The following VPS35L variants were observed in gnomAD, a reference collection of about 807,000 sequenced individuals.
VPS35L encodes VPS35 endosomal protein sorting factor like.
In VPS35L, 83 loss-of-function variants were observed where a neutral mutation model predicts 133.0. The observed-to-expected ratio is 0.62, with a 90% CI of 0.52 to 0.75. The LOEUF (loss-of-function observed/expected upper bound fraction) is 0.75, where lower values mean the gene tolerates loss of function less well. Among genes scored for constraint, VPS35L ranks in the 30% least tolerant of loss-of-function variants. VPS35L has a pLI of 0.00. For synonymous variants in VPS35L, 423 were observed against 449.9 expected (o/e 0.94, Z 0.76); for missense variants, 1,083 against 1,206.8 (o/e 0.90, Z 1.52).
intron 28 of VPS35L, among the ~76,000 whole-genome samples, chr16:19,690,840 A>T (rs1019632473): frequency 6.6e-6 from 1 of 152,124 alleles, no homozygotes; most frequent in Non-Finnish European, 1.5e-5. Context: ...GCAGGTGCCT[A>T]TAATTCCAGC....
intron 25 of VPS35L, among the ~76,000 whole-genome samples, chr16:19,651,369 AT>A (rs1974117165): frequency 6.6e-6 from 1 of 150,778 alleles, no homozygotes; most frequent in East Asian, 2.0e-4. Flanking sequence ...TATCCGGGTA[AT>A]TTTTTTGTTT....
chr16:19,639,238 G>C lies in VPS35L; in HGVS notation c.1699-777G>C, dbSNP rs1973712212. On this transcript the variant is annotated intron_variant, in intron 20 of 30. Coordinates refer to ENST00000417362, the MANE Select transcript of VPS35L (RefSeq NM_020314.7). The surrounding 1 kb of genome is among the most constrained non-coding windows in gnomAD (Gnocchi z 4.1). The stretch of plus-strand genomic sequence containing the variant: ...ACTACCATATTCCCACTTTACAGAT[G>C]AGAAAACTGATGCAGGAAGAGGTAG... Among the ~76,000 whole-genome samples, 1 of 152,198 alleles carries C rather than the reference G, an allele frequency of 6.6e-6. No homozygotes were observed. Among genetic ancestry groups the C allele is most frequent in the Non-Finnish European group, 1.5e-5 (1 of 68,028 alleles).
intron 11 of VPS35L, among the ~76,000 whole-genome samples, chr16:19,610,118 C>T (rs939433326): frequency 6.6e-5 from 10 of 152,156 alleles, no homozygotes; most frequent in African/African-American, 2.2e-4. Context: ...TGAAAGAAAT[C>T]ATTCAATGAA....
chr16:19,575,862 AT>A (rs1180787877), intron 5 of VPS35L, among the ~76,000 whole-genome samples: 413 of 144,818 alleles, frequency 2.9e-3, no homozygotes, highest in Non-Finnish European at 4.9e-3. Flanking sequence ...TATTAAAAAA[AT>A]ATATATATAT....
chr16:19,699,474 A>G lies in VPS35L; in HGVS notation c.2647-28A>G. 1 of 1,613,370 alleles carries G rather than the reference A, an allele frequency of 6.2e-7. No individual in the cohort carries two copies. Among genetic ancestry groups the G allele is most frequent in the Non-Finnish European group, 8.5e-7 (1 of 1,179,524 alleles). ...GGGGCACGGCCTGAGCCCCAGTGCA[A>G]GGCAGTAACCTCCCTTTTCTGTTTC... On this transcript the variant is annotated intron_variant, in intron 29 of 30. Transcript: ENST00000417362. This position sits in a 1 kb window ranked among gnomAD's most constrained non-coding sequence, Gnocchi z 4.2.
At position 19,628,694 on chromosome 16, in the gene VPS35L, G is replaced by T; in HGVS notation, c.1441G>T (p.Asp481Tyr). 6.2e-7 allele frequency: 1 copy of T among 1,601,484 alleles called. No individual in the cohort carries two copies. Among genetic ancestry groups the T allele is most frequent in the Non-Finnish European group, 8.5e-7 (1 of 1,172,396 alleles). Reference sequence around the variant, plus strand: ...GGCCTTGGCTGATCCTCCTGAGAGTGACCGACTTCAGATTCTCAACGAAGC... The same window carrying T: ...GGCCTTGGCTGATCCTCCTGAGAGTTACCGACTTCAGATTCTCAACGAAGC... ...NLALADPPES[D>Y]RLQILNEAWK... The change falls in exon 17 of 31, where the codon GAC becomes TAC. Residue 481 changes from aspartate to tyrosine, a missense_variant. Transcript: ENST00000417362.
intron 8 of VPS35L, among the ~76,000 whole-genome samples, chr16:19,600,482 C>T (rs1972347978): frequency 6.6e-6 from 1 of 152,178 alleles, no homozygotes; most frequent in Admixed American, 6.5e-5. Context: ...AATTTGTTTG[C>T]ACATTGTGGC....
At chr16:19,647,173 G>A (rs1474739314) in intron 23 of VPS35L, among the ~76,000 whole-genome samples, 1 of 152,102 alleles carries the variant, frequency 6.6e-6, no homozygotes, top group East Asian at 1.9e-4. Context: ...CTTTGCCCTT[G>A]CTTTTTGTAC....
At chr16:19,661,242 A>G (rs748293703) in intron 26 of VPS35L, among the ~76,000 whole-genome samples, 5 of 151,690 alleles carry the variant, frequency 3.3e-5, no homozygotes, top group Admixed American at 6.6e-5. Context: ...TGGAAGTGCT[A>G]CAAATTATTT....
At chr16:19,642,154 G>A (rs897455449) in intron 21 of VPS35L, among the ~76,000 whole-genome samples, 5 of 152,182 alleles carry the variant, frequency 3.3e-5, no homozygotes, top group African/African-American at 1.2e-4. Flanking sequence ...GGGCTGCAGT[G>A]AGCTGAGGTC....
At chr16:19,613,210 C>T (rs1019314660) in intron 12 of VPS35L, among the ~76,000 whole-genome samples, 4 of 152,040 alleles carry the variant, frequency 2.6e-5, no homozygotes, top group African/African-American at 4.8e-5. Context: ...GGCTGAGGCA[C>T]GAGAATCACT....
chr16:19,662,186 G>C (rs917129773), intron 26 of VPS35L, among the ~76,000 whole-genome samples: 2 of 152,056 alleles, frequency 1.3e-5, no homozygotes, highest in Non-Finnish European at 2.9e-5. Flanking sequence ...CTGGGCAGCA[G>C]AGCAAGGCCC....
chr16:19,585,059 C>T (rs1354561207), intron 7 of VPS35L, among the ~76,000 whole-genome samples: 1 of 152,162 alleles, frequency 6.6e-6, no homozygotes, highest in African/African-American at 2.4e-5. Flanking sequence ...TCATCCACAT[C>T]ATATTACATG....
At chr16:19,615,704 C>T (rs1972865208) in intron 12 of VPS35L, among the ~76,000 whole-genome samples, 1 of 151,484 alleles carries the variant, frequency 6.6e-6, no homozygotes, top group African/African-American at 2.4e-5. Context: ...CGCTGTGGCT[C>T]ACACCTGTAA....
intron 7 of VPS35L, chr16:19,581,875 A>G: frequency 1.7e-6 from 1 of 578,946 alleles, no homozygotes; most frequent in Non-Finnish European, 3.0e-6. Flanking sequence ...TGTGCACTGC[A>G]CAACTCCAGG....
At chr16:19,608,318 C>A in intron 10 of VPS35L, 44 bp downstream of exon 10, 1 of 1,366,236 alleles carries the variant, frequency 7.3e-7, no homozygotes. Flanking sequence ...TAAAGATAGG[C>A]TAAAAGAATT....
Position 19,685,058 on chromosome 16 carries a change from A to G in VPS35L, c.2527+2668A>G, listed in dbSNP as rs892794481. 2.6e-5 allele frequency among the ~76,000 whole-genome samples: 4 copies of G among 152,244 alleles called. 1 individual carries two copies. The highest frequency in any genetic ancestry group is 2.6e-4 in the Admixed American group (4 of 15,276). On this transcript the variant is annotated intron_variant, in intron 28 of 30. Coordinates refer to ENST00000417362, the MANE Select transcript of VPS35L (RefSeq NM_020314.7). ...CAGAGCAAGACTCCATCTCAAAAAA[A>G]AAAAAAAAGCAATGTTTTAATTAAA...
rs1294169638 is a variant in VPS35L, at chr16:19,570,875, ATATATATATATATATT to A, written c.285+1286_285+1301del. On this transcript the variant is annotated intron_variant, in intron 3 of 30. Transcript: ENST00000417362. The stretch of plus-strand genomic sequence containing the variant: ...TATATATATATATATATATATATAT[ATATATATATATATATT>A]TTTGAGATGAAGTCTCACACTGTCA... 1.8e-3 allele frequency among the ~76,000 whole-genome samples: 82 copies of A among 45,806 alleles called. 1 individual carries two copies. Among genetic ancestry groups the A allele is most frequent in the African/African-American group, 0.011 (80 of 7,604 alleles). The allele number at this position is 45,806 out of a possible 152,430, so 30.1% of individuals were successfully genotyped here. A position where few individuals can be genotyped will look rare whatever the true frequency, so the allele number is the denominator to read the frequency against.
intron 27 of VPS35L, among the ~76,000 whole-genome samples, chr16:19,676,059 C>T (rs1975053834): frequency 6.6e-6 from 1 of 151,992 alleles, no homozygotes; most frequent in South Asian, 2.1e-4. Context: ...CGAGACCAGC[C>T]TGGCAAATGT....
Sources: gnomAD v4.1 joint callset for allele counts (sites outside exome capture counted in the v4.1 genomes callset) on GRCh38, gnomAD v4.1.1 for gene constraint, Gnocchi (gnomAD v3.1) non-coding constraint, MANE v1.5 for transcripts, NCBI Gene and HGNC (gene_info 2026-07-23, HGNC 2026-07-21) for gene names.